CD163L1: variants seen among roughly 807,000 people sequenced by gnomAD.
The protein encoded by CD163L1 is scavenger receptor cysteine-rich type 1 protein M160.
A neutral mutation model predicts 165.4 loss-of-function variants in CD163L1; 124 were observed. The observed-to-expected ratio is 0.75, with a 90% CI of 0.65 to 0.87. The LOEUF is 0.87. CD163L1 is among the 40% of genes least tolerant of loss of function. The pLI is 0.00. For missense variants in CD163L1, 1,525 were observed against 1,799.9 expected (o/e 0.85, Z 2.76); for synonymous variants, 585 against 662.2 (o/e 0.88, Z 1.79).
intron 18 of CD163L1, among the ~76,000 whole-genome samples, chr12:7,365,070 C>T (rs1333736315): frequency 6.6e-6 from 1 of 151,990 alleles, no homozygotes; most frequent in Non-Finnish European, 1.5e-5. Context: ...CTAAAACAGA[C>T]ACATAAACCA....
downstream of CD163L1, among the ~76,000 whole-genome samples, chr12:7,346,261 C>G (rs1278161010): frequency 3.3e-5 from 5 of 152,052 alleles, no homozygotes; most frequent in Non-Finnish European, 7.4e-5. Flanking sequence ...CTGGGGGCCA[C>G]ATTTATTCTT....
At position 7,444,124 on chromosome 12, in the gene CD163L1, T is replaced by G. The variant is rs1324401311; in HGVS notation, c.4A>C (p.Met2Leu). The G allele has an allele frequency of 1.9e-6, 3 of 1,613,776 alleles. No homozygotes were observed. Among genetic ancestry groups the G allele is most frequent in the Non-Finnish European group, 1.7e-6 (2 of 1,179,776 alleles). M[M>L]LPQNSWHIDF... ...ATATGCCACGAGTTTTGAGGCAGCA[T>G]CATTATGGGTCTATCTCTTCCTGAG... is the stretch of plus-strand genomic sequence containing the variant. Residue 2 changes from methionine (M) to leucine (L), a missense_variant, in exon 1 of 20, where the codon ATG becomes CTG. Met to Leu is a conservative substitution (Grantham distance 15). Coordinates refer to ENST00000313599, the MANE Select transcript of CD163L1 (RefSeq NM_174941.6).
Position 7,375,262 on chromosome 12 carries a change from A to C in CD163L1, c.3001+19T>G. 6.2e-7 allele frequency: 1 copy of C among 1,611,262 alleles called. No individual in the cohort carries two copies. The highest frequency in any genetic ancestry group is 8.5e-7 in the Non-Finnish European group (1 of 1,178,144). On this transcript the variant is annotated intron_variant, in intron 11 of 19. Transcript: ENST00000313599. ...TGGGCTATATTGACAGTAGTTAACC[A>C]TAAGCACTATTCTCTTACCTGTGCA...
rs191590885 is a variant in CD163L1 at position 7,358,286 on chromosome 12, T to G, written c.4280-800A>C. 1.6e-3 allele frequency among the ~76,000 whole-genome samples: 242 copies of G among 152,234 alleles called. 1 individual carries two copies. The highest frequency in any genetic ancestry group is 5.7e-3 in the African/African-American group (236 of 41,554). On this transcript the variant is annotated intron_variant, in intron 18 of 19. Transcript: ENST00000313599. ...GTTAAAAACTCCAGTGGACCTACAT[T>G]TTTGTTTTACCTTTAGAAGCCCTAC...
intron 4 of CD163L1, among the ~76,000 whole-genome samples, chr12:7,430,996 G>C (rs141525105): frequency 6.3e-4 from 96 of 152,258 alleles, no homozygotes; most frequent in Non-Finnish European, 1.2e-3. Context: ...TGTGGAAAAT[G>C]GATTTGAAGG....
At chr12:7,350,005 G>A (rs894369639), downstream of CD163L1, among the ~76,000 whole-genome samples, 24 of 152,034 alleles carry the variant, frequency 1.6e-4, no homozygotes, top group Admixed American at 1.2e-3. Context: ...TGCAGGACCC[G>A]GGAATAAACT....
chr12:7,410,983 A>G (rs12809990), intron 4 of CD163L1, among the ~76,000 whole-genome samples: 5 of 151,576 alleles, frequency 3.3e-5, no homozygotes, highest in African/African-American at 1.2e-4. Flanking sequence ...ACATCTAAGC[A>G]CATAATGGTA....
intron 13 of CD163L1, among the ~76,000 whole-genome samples, chr12:7,373,907 C>T (rs773337603): frequency 9.8e-5 from 15 of 152,292 alleles, no homozygotes; most frequent in African/African-American, 3.4e-4. Flanking sequence ...ATTCTACTCT[C>T]GAACATAAAT....
At chr12:7,378,741 T>C (rs1404968504) in intron 9 of CD163L1, among the ~76,000 whole-genome samples, 1 of 152,200 alleles carries the variant, frequency 6.6e-6, no homozygotes, top group East Asian at 1.9e-4. Context: ...GGTAATATCT[T>C]CTAATTATGC....
At chr12:7,349,229 T>C (rs1946691951) in intron 4 of CD163L1, among the ~76,000 whole-genome samples, 1 of 152,180 alleles carries the variant, frequency 6.6e-6, no homozygotes, top group Non-Finnish European at 1.5e-5. Context: ...CTTAATTATA[T>C]ATTGATTTTT....
At chr12:7,346,197 C>T (rs963059150), downstream of CD163L1, among the ~76,000 whole-genome samples, 2 of 151,998 alleles carry the variant, frequency 1.3e-5, no homozygotes, top group Non-Finnish European at 2.9e-5. Context: ...TGTATTACTT[C>T]GTGTGATTTT....
chr12:7,371,044 G>T (rs1034346927), intron 14 of CD163L1, among the ~76,000 whole-genome samples: 1 of 152,164 alleles, frequency 6.6e-6, no homozygotes, highest in Non-Finnish European at 1.5e-5. Flanking sequence ...CACAAGATCT[G>T]ATGGTTTTAT....
intron 8 of CD163L1, among the ~76,000 whole-genome samples, chr12:7,388,957 T>C (rs1472076830): frequency 6.6e-6 from 1 of 152,214 alleles, no homozygotes; most frequent in East Asian, 1.9e-4. Context: ...TTTGTCTGAA[T>C]AGTACTCCTT....
At chr12:7,396,525 G>T in intron 7 of CD163L1, 110 bp from the exon 8 acceptor site, 2 of 1,041,470 alleles carry the variant, frequency 1.9e-6, no homozygotes, top group Non-Finnish European at 2.7e-6. Flanking sequence ...CAGTCTAGAT[G>T]GTGCTGTGAA....
intron 8 of CD163L1, among the ~76,000 whole-genome samples, chr12:7,388,764 T>TG (rs200736318): frequency 0.025 from 3,366 of 135,150 alleles, 50 homozygotes; most frequent in Middle Eastern, 0.03. Context: ...AAAAACAAAG[T>TG]GGGGGGGGCA....
chr12:7,327,854 G>A, the CD163L1 span, among the ~76,000 whole-genome samples: 5 of 152,068 alleles, frequency 3.3e-5, no homozygotes, highest in South Asian at 1.0e-3. Context: ...GATTTTTGTG[G>A]TCAAGTCAGG....
chr12:7,442,445 C>T (rs1002664523), intron 1 of CD163L1, among the ~76,000 whole-genome samples: 1 of 152,184 alleles, frequency 6.6e-6, no homozygotes, highest in African/African-American at 2.4e-5. Flanking sequence ...ATCCCGGGCA[C>T]TTCTCTAAGA....
chr12:7,369,061 A>G lies in CD163L1; in HGVS notation c.4040-96T>C, dbSNP rs753546717. The G allele has an allele frequency of 2.8e-5, 37 of 1,338,196 alleles. No homozygotes were observed. The African/African-American group carries it at 5.3e-4, about 19-fold the overall frequency. 82.9% of individuals were successfully genotyped at this position (1,338,196 alleles called of 1,614,324 possible). A position where few individuals can be genotyped will look rare whatever the true frequency, so the allele number is the denominator to read the frequency against. ...TGCGATTATCGGATGTCATTTAAATATCCTTTTAACATCTCCTGTGAATAC... is the reference window on the plus strand; with the variant it reads ...TGCGATTATCGGATGTCATTTAAATGTCCTTTTAACATCTCCTGTGAATAC... On this transcript the variant is annotated intron_variant, in intron 15 of 19. Transcript: ENST00000313599. This position sits in a 1 kb window ranked among gnomAD's most constrained non-coding sequence, Gnocchi z 4.9.
At chr12:7,399,488 C>CCTCTTT (rs1947869993) in intron 6 of CD163L1, among the ~76,000 whole-genome samples, 1 of 150,982 alleles carries the variant, frequency 6.6e-6, no homozygotes, top group Non-Finnish European at 1.5e-5. Context: ...CCTTCTTCTT[C>CCTCTTT]CTCTTCCTCC....
Sources: allele counts gnomAD v4.1 joint callset (sites outside exome capture counted in the v4.1 genomes callset), GRCh38; gene constraint gnomAD v4.1.1; non-coding constraint Gnocchi (gnomAD v3.1); transcripts MANE v1.5; gene names NCBI Gene and HGNC (gene_info 2026-07-23, HGNC 2026-07-21).